PTPRU: variants seen among roughly 807,000 people sequenced by gnomAD.
PTPRU encodes protein tyrosine phosphatase receptor type U, also known as receptor-type tyrosine-protein phosphatase U.
Under a neutral mutation model 166.3 loss-of-function variants are expected in PTPRU, and 69 were observed. The observed-to-expected ratio is 0.41, with a 90% CI of 0.34 to 0.51. The LOEUF (loss-of-function observed/expected upper bound fraction) is 0.51. Among genes scored for constraint, PTPRU ranks in the 20% least tolerant of loss-of-function variants. The probability of loss-of-function intolerance (pLI) is 0.09; values close to 1 mark genes in which losing one functional copy is unlikely to be tolerated. For missense variants in PTPRU, 1,657 were observed against 2,013.7 expected, an observed-to-expected ratio of 0.82 and a Z score of 3.39; for synonymous variants, 793 against 814.0, an observed-to-expected ratio of 0.97 and a Z score of 0.44.
chr1:29,323,577 G>A, intron 27 of PTPRU, 54 bp from the exon 28 acceptor site: 1 of 1,611,428 alleles, frequency 6.2e-7, no homozygotes, highest in Non-Finnish European at 8.5e-7. Flanking sequence ...GTCATCAGGG[G>A]CCCCTGGGAC....
At chr1:29,246,459 A>G (rs977225135) in intron 1 of PTPRU, among the ~76,000 whole-genome samples, 5 of 152,316 alleles carry the variant, frequency 3.3e-5, no homozygotes, top group African/African-American at 1.2e-4. Context: ...CAAAGGCAGC[A>G]CCACTGCACA....
chr1:29,242,364 C>T (rs1368873714), intron 1 of PTPRU, among the ~76,000 whole-genome samples: 2 of 152,146 alleles, frequency 1.3e-5, no homozygotes, highest in African/African-American at 4.8e-5. Flanking sequence ...CTCCTGATCG[C>T]TCTTCAGACT....
chr1:29,270,141 TA>T (rs1156968248), intron 7 of PTPRU, among the ~76,000 whole-genome samples: 1 of 152,194 alleles, frequency 6.6e-6, no homozygotes, highest in East Asian at 1.9e-4. Flanking sequence ...TGTGCCAATT[TA>T]TACTGCTACT....
intron 7 of PTPRU, among the ~76,000 whole-genome samples, chr1:29,263,009 G>A (rs968022306): frequency 1.3e-5 from 2 of 151,778 alleles, no homozygotes; most frequent in East Asian, 1.9e-4. Flanking sequence ...TTATTAAGAC[G>A]GAGTTTCACT....
chr1:29,275,390 C>A, intron 7 of PTPRU, 58 bp from the exon 8 acceptor site: 1 of 1,474,926 alleles, frequency 6.8e-7, no homozygotes. Context: ...CCCTGTTCTT[C>A]TTCCTCTTCT....
chr1:29,283,780 A>G (rs923466165), intron 12 of PTPRU, 160 bp from the exon 13 acceptor site: 2 of 803,788 alleles, frequency 2.5e-6, no homozygotes, highest in Non-Finnish European at 4.1e-6. Context: ...CCCCGCTCTC[A>G]AGGGTCCCCC....
Position 29,259,889 on chromosome 1 carries a change from T to A in PTPRU, c.695T>A (p.Val232Glu). The A allele has an allele frequency of 6.5e-7, 1 of 1,531,508 alleles. No individual in the cohort carries two copies. Among genetic ancestry groups the A allele is most frequent in the Non-Finnish European group, 8.7e-7 (1 of 1,145,456 alleles). 94.9% of individuals were successfully genotyped at this position (1,531,508 alleles called of 1,614,324 possible). A position where few individuals can be genotyped will look rare whatever the true frequency, so the allele number is the denominator to read the frequency against. Residue 232 changes from valine to glutamate, a missense_variant, in exon 6 of 30, where the codon GTG (valine) becomes GAG (glutamate). Around this residue, in one of 3 missense-constraint regions of PTPRU, gnomAD observed 453 missense variants for 496.9 expected, o/e 0.91. Transcript: ENST00000373779. ...FLLQRQSGAL[V>E]PAAGVRHISH... ...CTGCAGCGGCAGAGCGGGGCGCTGGTGCCGGCGGCGGGCGTGCGGCACATC... is the reference window on the plus strand; with the variant it reads ...CTGCAGCGGCAGAGCGGGGCGCTGGAGCCGGCGGCGGGCGTGCGGCACATC...
At chr1:29,303,788 G>A in intron 15 of PTPRU, 67 bp from the exon 16 acceptor site, 1 of 1,461,436 alleles carries the variant, frequency 6.8e-7, no homozygotes, top group South Asian at 1.3e-5. Flanking sequence ...ATAGACCCCA[G>A]TCTCTCCAGG....
rs756414232 is a variant in PTPRU at position 29,323,652 on chromosome 1, G to A, written c.3976G>A (p.Val1326Met). The part of the protein sequence containing the change: ...ISRLQEGHLL[V>M]RHFQFLRWSA... ...CCAGTTGCAGGAGGGGCACCTGCTG[G>A]TGCGGCACTTCCAGTTCCTGCGCTG... Residue 1326 changes from valine (V) to methionine (M), a missense_variant, in exon 28 of 30, where the codon GTG becomes ATG. Coordinates refer to ENST00000373779, the MANE Select transcript of PTPRU (RefSeq NM_133178.4). 1.2e-6 allele frequency: 2 copies of A among 1,614,096 alleles called. No homozygotes were observed. The highest frequency in any genetic ancestry group is 1.1e-5 in the South Asian group (1 of 91,062).
chr1:29,312,673 C>A lies in PTPRU; in HGVS notation c.3194C>A (p.Pro1065Gln). The A allele has an allele frequency of 6.2e-7, 1 of 1,609,978 alleles. No individual in the cohort carries two copies. Among genetic ancestry groups the A allele is most frequent in the Non-Finnish European group, 8.5e-7 (1 of 1,177,058 alleles). The change falls in exon 22 of 30, where the codon CCA (proline) becomes CAA (glutamine). Residue 1065 changes from proline (P) to glutamine (Q), a missense_variant. Transcript: ENST00000373779. The stretch of plus-strand genomic sequence containing the variant: ...ATCCGGCGCGTGAAGGCCTCCACCC[C>A]ACCTGATGCCGGGCCCATTGTCATC... Reference protein sequence around the residue: ...AFIRRVKASTPPDAGPIVIHC... With the variant: ...AFIRRVKASTQPDAGPIVIHC...
chr1:29,303,421 A>T lies in PTPRU; in HGVS notation c.2477-434A>T, dbSNP rs76810948. On this transcript the variant is annotated intron_variant, in intron 15 of 29. Transcript: ENST00000373779. ...TGCAGAGGGGTTGGCAGCAGCTGCTAATTTCTGATTTGCCTGTCTTTGAAT... is the reference window on the plus strand; with the variant it reads ...TGCAGAGGGGTTGGCAGCAGCTGCTTATTTCTGATTTGCCTGTCTTTGAAT... 7.2e-5 allele frequency among the ~76,000 whole-genome samples: 11 copies of T among 152,266 alleles called. No homozygotes were observed. The South Asian group carries it at 2.3e-3, about 32-fold the overall frequency.
intron 14 of PTPRU, among the ~76,000 whole-genome samples, chr1:29,288,429 G>A (rs1234794485): frequency 6.6e-6 from 1 of 152,206 alleles, no homozygotes; most frequent in Non-Finnish European, 1.5e-5. Flanking sequence ...GCTGGCACTC[G>A]TGGGAGAGTG....
chr1:29,276,157 A>AT (rs998051442), intron 8 of PTPRU, among the ~76,000 whole-genome samples: 26 of 151,954 alleles, frequency 1.7e-4, no homozygotes, highest in Non-Finnish European at 3.2e-4. Context: ...GTTGTTTATA[A>AT]TTTTTTTTAT....
intron 26 of PTPRU, among the ~76,000 whole-genome samples, chr1:29,322,659 T>C (rs1285204387): frequency 6.6e-6 from 1 of 151,922 alleles, no homozygotes; most frequent in Admixed American, 6.6e-5. Flanking sequence ...TGGGAGAGGA[T>C]GGGAGTCATT....
At chr1:29,254,496 G>C (rs748622172) in intron 1 of PTPRU, among the ~76,000 whole-genome samples, 26 of 151,392 alleles carry the variant, frequency 1.7e-4, no homozygotes, top group Non-Finnish European at 3.1e-4. Flanking sequence ...ACACATGACT[G>C]TGCTTTTGCA....
chr1:29,260,038 G>T lies in PTPRU; in HGVS notation c.844G>T (p.Val282Phe). The change falls in exon 6 of 30, where the codon GTC becomes TTC. Residue 282 changes from valine (V) to phenylalanine (F), a missense_variant. Physicochemically the swap from Val to Phe is conservative, Grantham distance 50 (BLOSUM62 -1). Transcript: ENST00000373779. This position sits in a 1 kb window ranked among gnomAD's most constrained non-coding sequence, Gnocchi z 8.3. ...CGTCTCTAACTTCGCGGAGCTCATC[G>T]TCAAGGGTCAGCTGGTGGACGCCGG... ...AGVSNFAELI[V>F]KEPPTPIAPP... 3 of 1,448,020 alleles carry T rather than the reference G, an allele frequency of 2.1e-6. No homozygotes were observed. Among genetic ancestry groups the T allele is most frequent in the Non-Finnish European group, 1.8e-6 (2 of 1,106,412 alleles). The allele number at this position is 1,448,020 out of a possible 1,614,324, so 89.7% of individuals were successfully genotyped here.
intron 25 of PTPRU, among the ~76,000 whole-genome samples, chr1:29,319,552 G>A (rs1271184848): frequency 6.6e-6 from 1 of 152,246 alleles, no homozygotes; most frequent in African/African-American, 2.4e-5. Context: ...AAGGAGCCCT[G>A]TTGGGCACCC....
In PTPRU at chr1:29,271,738, C is replaced by T. The variant is rs1463052961; in HGVS notation, c.1145-3710C>T. ...GCTGCCCCTTTTGGATGGGACACTA[C>T]TGTCCTGTTTGCCGTGGTCTTTACC... On this transcript the variant is annotated intron_variant, in intron 7 of 29. Coordinates refer to ENST00000373779, the MANE Select transcript of PTPRU (RefSeq NM_133178.4). This position sits in a 1 kb window ranked among gnomAD's most constrained non-coding sequence, Gnocchi z 4.4. Among the ~76,000 whole-genome samples the T allele has an allele frequency of 6.6e-6, 1 of 152,202 alleles. No individual in the cohort carries two copies. Among genetic ancestry groups the T allele is most frequent in the Non-Finnish European group, 1.5e-5 (1 of 68,036 alleles).
chr1:29,269,222 ATATAT>A lies in PTPRU; in HGVS notation c.1145-6225_1145-6221del, dbSNP rs1557430690. Among the ~76,000 whole-genome samples the A allele has an allele frequency of 7.4e-4, 29 of 39,264 alleles. 1 individual carries two copies. The highest frequency in any genetic ancestry group is 1.4e-3 in the South Asian group (1 of 708). The allele number at this position is 39,264 out of a possible 152,430, so 25.8% of individuals were successfully genotyped here. On this transcript the variant is annotated intron_variant, in intron 7 of 29. Coordinates refer to ENST00000373779, the MANE Select transcript of PTPRU (RefSeq NM_133178.4). Reference sequence around the variant, plus strand: ...CCATGCCCAGCTAATTTATATACATATATATATATATATATATATATATATTTTTT... The same window carrying A: ...CCATGCCCAGCTAATTTATATACATAATATATATATATATATATATTTTTT...
Sources: allele counts gnomAD v4.1 joint callset (sites outside exome capture counted in the v4.1 genomes callset), GRCh38; gene constraint gnomAD v4.1.1; regional missense constraint gnomAD v4.1.1; non-coding constraint Gnocchi (gnomAD v3.1); transcripts MANE v1.5; gene names NCBI Gene and HGNC (gene_info 2026-07-23, HGNC 2026-07-21).